Variants in NRIP1 observed in about 807,000 individuals in gnomAD.
NRIP1 encodes the protein nuclear receptor interacting protein 1.
NRIP1 carries 28 observed loss-of-function variants against 75.0 expected under a neutral mutation model. The observed-to-expected ratio is 0.37, with a 90% CI of 0.28 to 0.51. The LOEUF (loss-of-function observed/expected upper bound fraction) is 0.51, where lower values mean the gene tolerates loss of function less well. Among genes scored for constraint, NRIP1 ranks in the 20% least tolerant of loss-of-function variants. The probability of loss-of-function intolerance (pLI) is 0.92; values close to 1 mark genes in which losing one functional copy is unlikely to be tolerated. For synonymous variants in NRIP1, 526 were observed against 487.6 expected, an observed-to-expected ratio of 1.08 and a Z score of -1.04; for missense variants, 1,435 against 1,343.7, an observed-to-expected ratio of 1.07 and a Z score of -1.06.
chr21:14,975,344 A>T (rs1172893531), intron 3 of NRIP1, among the ~76,000 whole-genome samples: 1 of 152,120 alleles, frequency 6.6e-6, no homozygotes, highest in Non-Finnish European at 1.5e-5. Context: ...TGAATCATCA[A>T]TTTTTAATAA....
rs185201740 is a variant in NRIP1, at chr21:15,012,608, A to G, written c.-335+1736T>C. Among the ~76,000 whole-genome samples, 541 of 151,716 alleles carry G rather than the reference A, an allele frequency of 3.6e-3. 12 individuals are homozygous for G. Among genetic ancestry groups the G allele is most frequent in the Non-Finnish European group, 1.7e-3 (115 of 67,904 alleles). ...ACTGGGACTACAGGCACGCGCTACC[A>G]CACCTGGCTAATATTTGTATTTTTA... On this transcript the variant is annotated intron_variant, in intron 3 of 3. Transcript: ENST00000318948.
chr21:15,006,353 A>G (rs1034140780), intron 3 of NRIP1, among the ~76,000 whole-genome samples: 1 of 152,226 alleles, frequency 6.6e-6, no homozygotes, highest in African/African-American at 2.4e-5. Context: ...AATGCTCTCA[A>G]AATTTAATTT....
At chr21:15,062,831 C>T (rs970507519) in intron 1 of NRIP1, among the ~76,000 whole-genome samples, 1 of 152,146 alleles carries the variant, frequency 6.6e-6, no homozygotes, top group Non-Finnish European at 1.5e-5. Flanking sequence ...CCTTTAGTCT[C>T]TTCACACACT....
intron 3 of NRIP1, among the ~76,000 whole-genome samples, chr21:14,981,173 A>C (rs1039537539): frequency 1.3e-5 from 2 of 152,234 alleles, no homozygotes; most frequent in Admixed American, 6.5e-5. Context: ...TATGTCTTTA[A>C]ATTTTCACAG....
chr21:15,007,016 C>T (rs1206038309), intron 3 of NRIP1, among the ~76,000 whole-genome samples: 1 of 152,076 alleles, frequency 6.6e-6, no homozygotes, highest in Non-Finnish European at 1.5e-5. Context: ...TTCTAGGGTC[C>T]AGAAATAGCA....
chr21:15,063,337 A>G (rs1414328600), intron 1 of NRIP1, among the ~76,000 whole-genome samples: 1 of 152,188 alleles, frequency 6.6e-6, no homozygotes, highest in Non-Finnish European at 1.5e-5. Context: ...ACACTTCAAC[A>G]TACTCCAGGC....
At chr21:15,028,779 C>T (rs1159686911) in intron 2 of NRIP1, among the ~76,000 whole-genome samples, 1 of 152,034 alleles carries the variant, frequency 6.6e-6, no homozygotes, top group Non-Finnish European at 1.5e-5. Flanking sequence ...AAATTACATA[C>T]TTTTAAAAGT....
At position 14,961,283 on chromosome 21, in the gene NRIP1, A is replaced by G. The variant is rs143044117; in HGVS notation, c.*3433T>C. The G allele has an allele frequency of 2.0e-5, 3 of 152,440 alleles. No individual in the cohort carries two copies. Among genetic ancestry groups the G allele is most frequent in the African/African-American group, 7.2e-5 (3 of 41,416 alleles). The allele number at this position is 152,440 out of a possible 1,614,324, so 9.4% of individuals were successfully genotyped here. On this transcript the variant is annotated 3_prime_UTR_variant, in exon 4 of 4. Coordinates refer to ENST00000318948, the MANE Select transcript of NRIP1 (RefSeq NM_003489.4). ...TTCAAATTCACTGCAGGAAGTAAAC[A>G]CTAAAAGATTAAAAAACAAAACAAA...
At chr21:15,052,463 C>T (rs1247200974) in intron 1 of NRIP1, 2 of 152,114 alleles carry the variant, frequency 1.3e-5, no homozygotes, top group African/African-American at 4.8e-5. Context: ...CCCCTCACTA[C>T]TTTTTTTCCT....
Position 14,968,280 on chromosome 21 carries a change from GAGTATC to G in NRIP1, c.-94_-89del. 1 of 848,298 alleles carries G rather than the reference GAGTATC, an allele frequency of 1.2e-6. No individual in the cohort carries two copies. Among genetic ancestry groups the G allele is most frequent in the African/African-American group, 1.7e-5 (1 of 58,684 alleles). The allele number at this position is 848,298 out of a possible 1,614,324, so 52.5% of individuals were successfully genotyped here. A position where few individuals can be genotyped will look rare whatever the true frequency, so the allele number is the denominator to read the frequency against. The stretch of plus-strand genomic sequence containing the variant: ...TGAGTGCGATGTAACTTTAATAAAG[GAGTATC>G]AGTTTATCACCTTCCATCGCAATCA... On this transcript the variant is annotated 5_prime_UTR_variant, in exon 4 of 4. Coordinates refer to ENST00000318948, the MANE Select transcript of NRIP1 (RefSeq NM_003489.4).
Position 14,964,269 on chromosome 21 carries a change from T to A in NRIP1, c.*447A>T, listed in dbSNP as rs894409287. 6.6e-6 allele frequency: 1 copy of A among 152,606 alleles called. No individual in the cohort carries two copies. Among genetic ancestry groups the A allele is most frequent in the East Asian group, 1.9e-4 (1 of 5,184 alleles). The allele number at this position is 152,606 out of a possible 1,614,324, so 9.5% of individuals were successfully genotyped here. ...AATAAGCTGTGAATCAGCACTAGGT[T>A]TTTTTTTATTGGATAATTATCCTTT... is the stretch of plus-strand genomic sequence containing the variant. On this transcript the variant is annotated 3_prime_UTR_variant, in exon 4 of 4. Coordinates refer to ENST00000318948, the MANE Select transcript of NRIP1 (RefSeq NM_003489.4).
intron 3 of NRIP1, among the ~76,000 whole-genome samples, chr21:15,007,450 A>G (rs1316362770): frequency 3.3e-5 from 5 of 152,226 alleles, no homozygotes; most frequent in Non-Finnish European, 7.3e-5. Context: ...GATAAAAATA[A>G]TTACTATATC....
chr21:15,056,249 TA>T (rs2089303580), intron 1 of NRIP1, among the ~76,000 whole-genome samples: 1 of 143,920 alleles, frequency 6.9e-6, no homozygotes, highest in Non-Finnish European at 1.5e-5. Context: ...TTCTATGAAA[TA>T]ACTTCAATTT....
At chr21:15,044,702 T>G (rs1203954499) in intron 1 of NRIP1, among the ~76,000 whole-genome samples, 2 of 152,192 alleles carry the variant, frequency 1.3e-5, no homozygotes, top group Admixed American at 1.3e-4. Context: ...TATTTTTCAT[T>G]TTCATTTCAT....
intron 1 of NRIP1, chr21:15,051,998 A>AG (rs1166471411): frequency 6.6e-6 from 1 of 152,214 alleles, no homozygotes; most frequent in African/African-American, 2.4e-5. Flanking sequence ...AACCCTATCT[A>AG]GTACAAGTTC....
In NRIP1 at chr21:15,053,931, T is replaced by C. The variant is rs193153751; in HGVS notation, c.-537-10357A>G. ...GTTAAAAATCAGTGTTATAAATATA[T>C]ATCCATATAATTTATTTTCTATTAG... On this transcript the variant is annotated intron_variant, in intron 1 of 3. Transcript: ENST00000318948. Among the ~76,000 whole-genome samples the C allele has an allele frequency of 3.3e-5, 5 of 152,342 alleles. No homozygotes were observed. In the East Asian group the frequency reaches 5.8e-4, roughly 18 times the overall value.
chr21:14,973,094 G>T (rs1423036898), intron 3 of NRIP1, among the ~76,000 whole-genome samples: 2 of 152,212 alleles, frequency 1.3e-5, no homozygotes, highest in East Asian at 3.8e-4. Flanking sequence ...GCTTGTGCAT[G>T]TGTCTATTTA....
chr21:15,030,901 T>A (rs1198718915), intron 2 of NRIP1, among the ~76,000 whole-genome samples: 3 of 147,536 alleles, frequency 2.0e-5, no homozygotes, highest in Non-Finnish European at 4.5e-5. Context: ...GCTCGGAGGA[T>A]CACCACATTC....
intron 2 of NRIP1, among the ~76,000 whole-genome samples, chr21:15,030,213 C>T (rs1415974909): frequency 2.6e-5 from 4 of 152,180 alleles, no homozygotes; most frequent in Non-Finnish European, 5.9e-5. Context: ...CCATGTGGGA[C>T]ACTAATAAGA....
Sources: gnomAD v4.1 joint callset for allele counts (sites outside exome capture counted in the v4.1 genomes callset) on GRCh38, gnomAD v4.1.1 for gene constraint, MANE v1.5 for transcripts, NCBI Gene and HGNC (gene_info 2026-07-23, HGNC 2026-07-21) for gene names.